Variants in CSMD1 observed in about 807,000 individuals in gnomAD.
CSMD1 encodes the protein CUB and Sushi multiple domains 1, also known as CUB and sushi domain-containing protein 1.
In CSMD1, 213 loss-of-function variants were observed where a neutral mutation model predicts 417.5. The ratio of observed to expected loss-of-function variants is 0.51; its 90% confidence interval spans 0.46 to 0.57. The LOEUF is 0.57. Among genes scored for constraint, CSMD1 ranks in the 20% least tolerant of loss-of-function variants. CSMD1 has a pLI of 0.00. For missense variants in CSMD1, 6,923 were observed against 4,529.7 expected, an observed-to-expected ratio of 1.53 and a Z score of -15.17; for synonymous variants, 2,862 against 1,736.8, an observed-to-expected ratio of 1.65 and a Z score of -16.11.
At chr8:4,306,919 C>T (rs1338740833) in intron 3 of CSMD1, among the ~76,000 whole-genome samples, 2 of 152,060 alleles carry the variant, frequency 1.3e-5, no homozygotes. Context: ...CTTCAAAATC[C>T]TCAGTGTGGG....
intron 3 of CSMD1, among the ~76,000 whole-genome samples, chr8:4,245,600 G>A (rs969403170): frequency 6.6e-6 from 1 of 152,142 alleles, no homozygotes; most frequent in African/African-American, 2.4e-5. Context: ...TGGTCAACAG[G>A]TTCCTCTGGT....
chr8:4,540,838 G>C (rs140822862), intron 2 of CSMD1, among the ~76,000 whole-genome samples: 2 of 152,022 alleles, frequency 1.3e-5, no homozygotes, highest in Admixed American at 6.6e-5. Context: ...GCAAAAAAAG[G>C]TAAAGGCTCA....
At chr8:4,842,621 C>A (rs1800910728) in intron 1 of CSMD1, among the ~76,000 whole-genome samples, 3 of 152,168 alleles carry the variant, frequency 2.0e-5, no homozygotes, top group African/African-American at 7.2e-5. Flanking sequence ...TGCCTATGTG[C>A]AAAACCACAC....
At chr8:3,954,289 C>T (rs1205719805) in intron 5 of CSMD1, among the ~76,000 whole-genome samples, 1 of 152,166 alleles carries the variant, frequency 6.6e-6, no homozygotes, top group Non-Finnish European at 1.5e-5. Context: ...AAGGAAGGTG[C>T]GCTTGGGAGA....
chr8:4,305,061 T>C (rs1234530258), intron 3 of CSMD1, among the ~76,000 whole-genome samples: 2 of 152,134 alleles, frequency 1.3e-5, no homozygotes, highest in Admixed American at 6.5e-5. Context: ...CAGGCACCTA[T>C]TCGTTTTAGG....
intron 2 of CSMD1, among the ~76,000 whole-genome samples, chr8:4,617,629 C>A (rs965613255): frequency 6.6e-6 from 1 of 152,154 alleles, no homozygotes; most frequent in Admixed American, 6.5e-5. Context: ...ACTGGAAATA[C>A]TCTTCCCAGA....
intron 50 of CSMD1, among the ~76,000 whole-genome samples, chr8:3,045,838 A>G (rs1811398846): frequency 6.6e-6 from 1 of 152,174 alleles, no homozygotes. Context: ...CCTCTATACA[A>G]TATGGTGATA....
Position 3,091,637 on chromosome 8 carries a change from T to A in CSMD1, c.7164A>T (p.Leu2388=). 1 of 1,611,026 alleles carries A rather than the reference T, an allele frequency of 6.2e-7. No individual in the cohort carries two copies. The highest frequency in any genetic ancestry group is 1.1e-5 in the South Asian group (1 of 90,396). ...FDGSSGQSPL[L]VVLSGNHTEQ... ...CAGTATGATTCCCACTTAAGACTAC[T>A]AGCAGAGGACTTTGCCCAGAAGAAC... is the stretch of plus-strand genomic sequence containing the variant. The change falls in exon 48 of 70, where the codon CTA becomes CTT. Residue 2388 remains leucine (L), a synonymous_variant. Transcript: ENST00000635120.
At chr8:3,404,882 G>C (rs1384027570) in intron 15 of CSMD1, among the ~76,000 whole-genome samples, 1 of 151,914 alleles carries the variant, frequency 6.6e-6, no homozygotes, top group Non-Finnish European at 1.5e-5. Context: ...TCAGTCCTCT[G>C]CTGTTTGAAG....
At chr8:4,933,414 A>T (rs910340002) in intron 1 of CSMD1, among the ~76,000 whole-genome samples, 2 of 152,214 alleles carry the variant, frequency 1.3e-5, no homozygotes, top group South Asian at 2.1e-4. Flanking sequence ...GAAAAAAGTC[A>T]TATTTTGGGT....
Position 4,670,444 on chromosome 8 carries a change from T to C in CSMD1, c.86-32886A>G, listed in dbSNP as rs189149243. Among the ~76,000 whole-genome samples, 869 of 152,316 alleles carry C rather than the reference T, an allele frequency of 5.7e-3. 10 individuals carry two copies. The highest frequency in any genetic ancestry group is 0.018 in the African/African-American group (767 of 41,572). On this transcript the variant is annotated intron_variant, in intron 1 of 69. Transcript: ENST00000635120. ...TTTGGATAGTCAAGGAGCAAACATG[T>C]GTGTCCTGTGAGCTAGATACGTGGT...
intron 3 of CSMD1, among the ~76,000 whole-genome samples, chr8:4,175,794 A>T (rs1418019403): frequency 6.6e-6 from 1 of 152,216 alleles, no homozygotes; most frequent in Non-Finnish European, 1.5e-5. Flanking sequence ...TATGATGATC[A>T]TGGCAATACA....
At chr8:4,951,857 GGAC>G (rs1808771545) in intron 1 of CSMD1, among the ~76,000 whole-genome samples, 1 of 53,610 alleles carries the variant, frequency 1.9e-5, no homozygotes, top group African/African-American at 4.5e-5. Context: ...ATACACTGAA[GGAC>G]CACCCTGCAT....
intron 3 of CSMD1, among the ~76,000 whole-genome samples, chr8:4,405,278 A>C (rs990221364): frequency 6.6e-6 from 1 of 152,198 alleles, no homozygotes. Flanking sequence ...AAGGAAAATG[A>C]TATTATCATA....
intron 5 of CSMD1, among the ~76,000 whole-genome samples, chr8:3,813,911 ACTT>A (rs1451757763): frequency 2.6e-5 from 4 of 152,324 alleles, no homozygotes; most frequent in Admixed American, 6.5e-5. Flanking sequence ...TACTCTTCTT[ACTT>A]GTTAAGTCTG....
At chr8:4,382,429 G>A (rs1290797295) in intron 3 of CSMD1, among the ~76,000 whole-genome samples, 1 of 152,158 alleles carries the variant, frequency 6.6e-6, no homozygotes, top group Non-Finnish European at 1.5e-5. Context: ...CTGTCCTATT[G>A]TAGTATAGTC....
chr8:4,032,717 C>T (rs74746887), intron 3 of CSMD1, among the ~76,000 whole-genome samples: 1 of 152,168 alleles, frequency 6.6e-6, no homozygotes, highest in Non-Finnish European at 1.5e-5. Context: ...TTTATAGTGT[C>T]TGATTCAAAA....
intron 3 of CSMD1, among the ~76,000 whole-genome samples, chr8:4,100,910 T>G (rs949601285): frequency 6.6e-6 from 1 of 152,022 alleles, no homozygotes; most frequent in Non-Finnish European, 1.5e-5. Flanking sequence ...GAACAGAAAG[T>G]GGTGTATATG....
chr8:4,158,998 C>A (rs553915784), intron 3 of CSMD1, among the ~76,000 whole-genome samples: 45 of 152,296 alleles, frequency 3.0e-4, no homozygotes, highest in African/African-American at 1.1e-3. Flanking sequence ...TCACCACAAC[C>A]TTCACCTCCC....
Sources: gnomAD v4.1 joint callset for allele counts (sites outside exome capture counted in the v4.1 genomes callset) on GRCh38, gnomAD v4.1.1 for gene constraint, MANE v1.5 for transcripts, NCBI Gene and HGNC (gene_info 2026-07-23, HGNC 2026-07-21) for gene names.